The following STK4 variants were observed in gnomAD, a reference collection of about 807,000 sequenced individuals.
STK4 encodes serine/threonine kinase 4.
In STK4, 30 loss-of-function variants were observed where a neutral mutation model predicts 64.9. That is an observed-to-expected ratio of 0.46 (90% CI 0.35 to 0.63). The LOEUF (loss-of-function observed/expected upper bound fraction) is 0.63. STK4 is among the 20% of genes least tolerant of loss of function. The probability of loss-of-function intolerance (pLI) is 0.01; values close to 1 mark genes in which losing one functional copy is unlikely to be tolerated. For synonymous variants in STK4, 177 were observed against 199.0 expected (o/e 0.89, Z 0.93); for missense variants, 466 against 598.5 (o/e 0.78, Z 2.31).
Position 45,075,334 on chromosome 20 carries a change from A to T in STK4, c.*158A>T. The T allele has an allele frequency of 1.1e-6, 1 of 893,604 alleles. No homozygotes were observed. Among genetic ancestry groups the T allele is most frequent in the Non-Finnish European group, 1.7e-6 (1 of 598,014 alleles). 55.4% of individuals were successfully genotyped at this position (893,604 alleles called of 1,614,324 possible). A position where few individuals can be genotyped will look rare whatever the true frequency, so the allele number is the denominator to read the frequency against. ...CGCCAGTGGGAAGGGCTCTCTTGAC[A>T]GTCAGCGTGCCATCTTGATGTGTGT... On this transcript the variant is annotated 3_prime_UTR_variant, in exon 11 of 11. Transcript: ENST00000372806.
At chr20:45,012,642 G>A (rs1407179321) in intron 9 of STK4, among the ~76,000 whole-genome samples, 1 of 151,866 alleles carries the variant, frequency 6.6e-6, no homozygotes, top group African/African-American at 2.4e-5. Flanking sequence ...TTCTTCTATA[G>A]ACAACTACTG....
chr20:45,027,313 C>T (rs933490435), intron 10 of STK4, among the ~76,000 whole-genome samples: 8 of 151,592 alleles, frequency 5.3e-5, no homozygotes, highest in Non-Finnish European at 1.0e-4. Flanking sequence ...GCCTGTAATC[C>T]CAGCTACTCG....
chr20:45,006,788 G>A (rs1452166614), intron 9 of STK4, among the ~76,000 whole-genome samples: 1 of 152,182 alleles, frequency 6.6e-6, no homozygotes, highest in Admixed American at 6.5e-5. Context: ...CCATTTTTAA[G>A]CCATCTTCTT....
chr20:44,984,555 C>T (rs1045617919), intron 4 of STK4, among the ~76,000 whole-genome samples: 3 of 151,986 alleles, frequency 2.0e-5, no homozygotes, highest in African/African-American at 7.2e-5. Flanking sequence ...TATAACTCTG[C>T]CCTGTCCACC....
At chr20:45,014,833 A>C (rs1568722908) in intron 9 of STK4, among the ~76,000 whole-genome samples, 1 of 152,166 alleles carries the variant, frequency 6.6e-6, no homozygotes, top group Non-Finnish European at 1.5e-5. Context: ...TTAATAGGTC[A>C]ATGGGAGGCA....
chr20:44,988,183 C>T (rs2067564435), intron 5 of STK4, among the ~76,000 whole-genome samples: 1 of 151,652 alleles, frequency 6.6e-6, no homozygotes, highest in Non-Finnish European at 1.5e-5. Flanking sequence ...AGTCAGGAAA[C>T]CAAATTGAAA....
At chr20:45,000,100 T>C (rs2067808383) in intron 7 of STK4, among the ~76,000 whole-genome samples, 1 of 152,144 alleles carries the variant, frequency 6.6e-6, no homozygotes, top group Non-Finnish European at 1.5e-5. Context: ...TCCCAACATG[T>C]TTACACAAGT....
At chr20:45,064,670 A>T (rs1457064016) in intron 10 of STK4, among the ~76,000 whole-genome samples, 1 of 152,152 alleles carries the variant, frequency 6.6e-6, no homozygotes, top group African/African-American at 2.4e-5. Flanking sequence ...TATTCTATTC[A>T]CATATCTTTT....
Position 44,987,186 on chromosome 20 carries a change from T to C in STK4, c.415T>C (p.Tyr139His). The change falls in exon 5 of 11, where the codon TAC becomes CAC. Residue 139 changes from tyrosine (Y) to histidine (H), a missense_variant. Tyr to His is a moderately conservative substitution (Grantham distance 83). This residue lies in a region of STK4 where 190 missense variants were observed against 289.7 expected (regional missense o/e 0.66). Transcript: ENST00000372806. The stretch of plus-strand genomic sequence containing the variant: ...ACAATCAACTCTTAAGGGACTTGAA[T>C]ACCTTCATTTTATGAGAAAAATACA... ...ILQSTLKGLE[Y>H]LHFMRKIHRD... 1 of 1,611,978 alleles carries C rather than the reference T, an allele frequency of 6.2e-7. No homozygotes were observed. The highest frequency in any genetic ancestry group is 8.5e-7 in the Non-Finnish European group (1 of 1,178,822).
chr20:44,968,212 A>G (rs2067185409), intron 1 of STK4, among the ~76,000 whole-genome samples: 1 of 151,606 alleles, frequency 6.6e-6, no homozygotes, highest in African/African-American at 2.4e-5. Flanking sequence ...ATCTCGGCTC[A>G]CTGCTACTTC....
At chr20:45,067,890 C>T (rs1979719027) in intron 10 of STK4, among the ~76,000 whole-genome samples, 1 of 152,192 alleles carries the variant, frequency 6.6e-6, no homozygotes, top group Non-Finnish European at 1.5e-5. Context: ...TAGGGTTTCT[C>T]ACATAGAGTT....
intron 4 of STK4, among the ~76,000 whole-genome samples, chr20:44,982,673 A>G (rs2067462270): frequency 6.6e-6 from 1 of 152,206 alleles, no homozygotes; most frequent in Non-Finnish European, 1.5e-5. Context: ...CTGTGGTTGC[A>G]GTATAAGACC....
At chr20:44,971,321 A>G (rs1402174835) in intron 1 of STK4, among the ~76,000 whole-genome samples, 1 of 152,198 alleles carries the variant, frequency 6.6e-6, no homozygotes, top group Non-Finnish European at 1.5e-5. Context: ...ATCTACTCAT[A>G]GGAAGGTCTT....
At chr20:44,985,177 C>T (rs1320681754) in intron 4 of STK4, among the ~76,000 whole-genome samples, 1 of 152,106 alleles carries the variant, frequency 6.6e-6, no homozygotes, top group African/African-American at 2.4e-5. Flanking sequence ...TATCATTTCT[C>T]TCTGACTTTT....
intron 9 of STK4, among the ~76,000 whole-genome samples, chr20:45,006,539 A>C (rs1370893412): frequency 1.3e-5 from 2 of 151,650 alleles, no homozygotes; most frequent in Non-Finnish European, 2.9e-5. Flanking sequence ...TCATATTGTT[A>C]CATTTCTTCT....
chr20:44,966,654 G>A, intron 1 of STK4, 51 bp downstream of exon 1: 1 of 1,261,198 alleles, frequency 7.9e-7, no homozygotes, highest in Non-Finnish European at 1.0e-6. Context: ...GGAAGAAAAG[G>A]CGGGAACTGG....
intron 10 of STK4, among the ~76,000 whole-genome samples, chr20:45,074,792 G>C (rs1378456285): frequency 6.6e-6 from 1 of 152,120 alleles, no homozygotes; most frequent in East Asian, 1.9e-4. Flanking sequence ...AAAGCGGTTA[G>C]CACTTAGATC....
intron 10 of STK4, among the ~76,000 whole-genome samples, chr20:45,047,573 C>T (rs549425870): frequency 2.0e-5 from 3 of 152,206 alleles, no homozygotes; most frequent in African/African-American, 7.2e-5. Flanking sequence ...TTGTAATATC[C>T]ATTCATCTAT....
intron 2 of STK4, chr20:44,973,047 G>T (rs2067278716): frequency 6.6e-6 from 1 of 152,106 alleles, no homozygotes; most frequent in South Asian, 2.1e-4. Context: ...GTGTGTGTCT[G>T]TATTTTTAAT....
Sources: allele counts gnomAD v4.1 joint callset (sites outside exome capture counted in the v4.1 genomes callset), GRCh38; gene constraint gnomAD v4.1.1; regional missense constraint gnomAD v4.1.1; transcripts MANE v1.5; gene names NCBI Gene and HGNC (gene_info 2026-07-23, HGNC 2026-07-21).